RHCE: variants seen among roughly 807,000 people sequenced by gnomAD.
RHCE encodes blood group Rh(CE) polypeptide.
Under a neutral mutation model 43.8 loss-of-function variants are expected in RHCE, and 22 were observed. The ratio of observed to expected loss-of-function variants is 0.50; its 90% CI spans 0.36 to 0.72. RHCE has a LOEUF of 0.72. Ranked by LOEUF, RHCE falls within the 30% of genes least tolerant of loss-of-function variation. The probability of loss-of-function intolerance (pLI) is 0.00; values close to 1 mark genes in which losing one functional copy is unlikely to be tolerated. For synonymous variants in RHCE, 156 were observed against 210.7 expected (o/e 0.74, Z 2.25); for missense variants, 385 against 525.4 (o/e 0.73, Z 2.61).
chr1:25,393,683 G>A (rs1441401859), intron 3 of RHCE, among the ~76,000 whole-genome samples: 3 of 151,792 alleles, frequency 2.0e-5, no homozygotes, highest in Non-Finnish European at 2.9e-5. Context: ...AGCCTCCAGC[G>A]GCTCCCATGT....
chr1:25,392,232 C>G (rs1325433028), intron 3 of RHCE, 91 bp from the exon 4 acceptor site: 55 of 1,603,720 alleles, frequency 3.4e-5, no homozygotes, highest in Non-Finnish European at 4.4e-5. Flanking sequence ...CAGAGCTTCA[C>G]TTAGGAGGTG....
chr1:25,377,426 G>C (rs1426760392), intron 7 of RHCE, among the ~76,000 whole-genome samples: 2 of 151,938 alleles, frequency 1.3e-5, no homozygotes, highest in East Asian at 3.9e-4. Flanking sequence ...TCGATCTCTT[G>C]ACCTTGTGAT....
In RHCE at chr1:25,385,793, TGGAGTGCATGAC is replaced by T; in HGVS notation, c.979_990del (p.Val327_Ser330del). The T allele has an allele frequency of 1.2e-6, 2 of 1,613,994 alleles. No homozygotes were observed. Among genetic ancestry groups the T allele is most frequent in the South Asian group, 2.2e-5 (2 of 91,084 alleles). On this transcript the variant is annotated inframe_deletion, in exon 7 of 10. Transcript: ENST00000294413. Reference sequence around the variant, plus strand: ...CCAAGCAGACCCAGCAAGCTGAAGATGGAGTGCATGACGGAGATGTGGTGAATCCCCAGCACT... The same window carrying T: ...CCAAGCAGACCCAGCAAGCTGAAGATGGAGATGTGGTGAATCCCCAGCACT...
At chr1:25,392,524 G>A (rs1012889108) in intron 3 of RHCE, among the ~76,000 whole-genome samples, 6 of 147,958 alleles carry the variant, frequency 4.1e-5, no homozygotes, top group African/African-American at 1.5e-4. Flanking sequence ...GCCTCCCAAA[G>A]TGCTGGGATT....
intron 8 of RHCE, among the ~76,000 whole-genome samples, chr1:25,373,684 C>G (rs754821889): frequency 6.6e-6 from 1 of 151,676 alleles, no homozygotes; most frequent in Admixed American, 6.6e-5. Flanking sequence ...AAGTGACATG[C>G]CCAATGTCAC....
intron 1 of RHCE, among the ~76,000 whole-genome samples, chr1:25,417,393 C>T (rs913180010): frequency 1.3e-5 from 2 of 152,108 alleles, no homozygotes; most frequent in African/African-American, 4.8e-5. Context: ...TTAACCAACT[C>T]GTGCAGAAAA....
At chr1:25,424,978 C>T (rs557438143), upstream of RHCE, among the ~76,000 whole-genome samples, 141 of 151,668 alleles carry the variant, frequency 9.3e-4, no homozygotes, top group African/African-American at 3.3e-3. Context: ...CACCACACTG[C>T]GCTAATTTTT....
At chr1:25,416,258 T>C (rs1044375832) in intron 1 of RHCE, among the ~76,000 whole-genome samples, 7 of 152,082 alleles carry the variant, frequency 4.6e-5, no homozygotes, top group Admixed American at 4.6e-4. Context: ...ATGTTTTATT[T>C]ATTTTTATTT....
intron 1 of RHCE, among the ~76,000 whole-genome samples, chr1:25,415,120 A>C (rs1647282645): frequency 6.6e-6 from 1 of 152,048 alleles, no homozygotes; most frequent in African/African-American, 2.4e-5. Context: ...CAAATCATAC[A>C]TCTGCAGCCA....
chr1:25,404,983 G>A (rs1432861689), intron 2 of RHCE, among the ~76,000 whole-genome samples: 1 of 150,270 alleles, frequency 6.7e-6, no homozygotes, highest in Non-Finnish European at 1.5e-5. Flanking sequence ...TTAAGGCCTG[G>A]AGTTTGAGAC....
intron 1 of RHCE, among the ~76,000 whole-genome samples, chr1:25,429,252 G>C (rs940854757): frequency 1.0e-5 from 1 of 98,290 alleles, no homozygotes; most frequent in Non-Finnish European, 1.9e-5. Context: ...TTGAGACAAA[G>C]TCTCGCTCTC....
chr1:25,387,205 T>C (rs1255125988), intron 6 of RHCE, among the ~76,000 whole-genome samples: 1 of 152,152 alleles, frequency 6.6e-6, no homozygotes, highest in Admixed American at 6.5e-5. Flanking sequence ...CAATAAGCTT[T>C]CATACACACT....
At chr1:25,400,711 G>A (rs1003097823) in intron 3 of RHCE, among the ~76,000 whole-genome samples, 11 of 150,082 alleles carry the variant, frequency 7.3e-5, no homozygotes, top group East Asian at 5.8e-4. Flanking sequence ...ATCTCTACCC[G>A]CCCCAACCTT....
rs558334470 is a variant in RHCE at position 25,387,435 on chromosome 1, A to G, written c.939+1541T>C. Reference sequence around the variant, plus strand: ...AAAAGCAAGATGAGTGTTAAAACGTATGTGTTGAATGAAGGAATGATGAAT... The same window carrying G: ...AAAAGCAAGATGAGTGTTAAAACGTGTGTGTTGAATGAAGGAATGATGAAT... On this transcript the variant is annotated intron_variant, in intron 6 of 9. Coordinates refer to ENST00000294413, the MANE Select transcript of RHCE (RefSeq NM_020485.8). Among the ~76,000 whole-genome samples, 5 of 152,312 alleles carry G rather than the reference A, an allele frequency of 3.3e-5. No homozygotes were observed. In the South Asian group the frequency reaches 1.0e-3, roughly 32 times the overall value.
intron 7 of RHCE, among the ~76,000 whole-genome samples, chr1:25,380,813 A>G (rs1160471323): frequency 1.3e-5 from 2 of 150,774 alleles, no homozygotes; most frequent in Non-Finnish European, 2.9e-5. Flanking sequence ...AGTCTTGAAG[A>G]TCTCTGAAAT....
At chr1:25,384,658 GGTTGT>G (rs1052102026) in intron 7 of RHCE, among the ~76,000 whole-genome samples, 1 of 152,138 alleles carries the variant, frequency 6.6e-6, no homozygotes, top group African/African-American at 2.4e-5. Flanking sequence ...TTGGGGCTAT[GGTTGT>G]CTCTGTAGAA....
intron 2 of RHCE, among the ~76,000 whole-genome samples, chr1:25,427,302 T>C (rs2042811605): frequency 6.6e-6 from 1 of 152,232 alleles, no homozygotes; most frequent in African/African-American, 2.4e-5. Context: ...TGCAAATCCC[T>C]TCATCAGAAA....
At chr1:25,400,878 G>A (rs1205780434) in intron 3 of RHCE, among the ~76,000 whole-genome samples, 1 of 152,092 alleles carries the variant, frequency 6.6e-6, no homozygotes, top group Non-Finnish European at 1.5e-5. Flanking sequence ...CACCCCACGT[G>A]CAGTCTATCA....
chr1:25,379,496 T>TATATATATATATATATA (rs1156796590), intron 7 of RHCE, among the ~76,000 whole-genome samples: 4 of 19,834 alleles, frequency 2.0e-4, no homozygotes, highest in African/African-American at 1.7e-3. Flanking sequence ...TATATATATA[T>TATATATATATATATATA]TTTTTTTTTT....
Sources: allele counts gnomAD v4.1 joint callset (sites outside exome capture counted in the v4.1 genomes callset), GRCh38; gene constraint gnomAD v4.1.1; transcripts MANE v1.5; gene names NCBI Gene and HGNC (gene_info 2026-07-23, HGNC 2026-07-21).